SAMMSON: variants seen among roughly 807,000 people sequenced by gnomAD.
SAMMSON encodes the protein survival associated mitochondrial melanoma specific oncogenic non-coding RNA.
intron 3 of SAMMSON, chr3:70,024,814 G>A (rs2067030899): frequency 6.6e-6 from 1 of 152,214 alleles, no homozygotes; most frequent in Admixed American, 6.5e-5. Context: ...TCTACCTTGT[G>A]CAGATCTTGG....
chr3:70,297,846 T>C (rs1314609303), intron 7 of SAMMSON, among the ~76,000 whole-genome samples: 1 of 152,134 alleles, frequency 6.6e-6, no homozygotes, highest in African/African-American at 2.4e-5. Context: ...AGAAGTACAA[T>C]TGAATTTAAT....
chr3:70,072,533 C>T (rs2067233921), intron 4 of SAMMSON: 1 of 150,748 alleles, frequency 6.6e-6, no homozygotes, highest in Admixed American at 6.6e-5. Context: ...AAATCTCCTC[C>T]TGACCACGGA....
intron 3 of SAMMSON, among the ~76,000 whole-genome samples, chr3:70,037,701 C>T (rs2067091516): frequency 6.6e-6 from 1 of 152,160 alleles, no homozygotes; most frequent in African/African-American, 2.4e-5. Flanking sequence ...ACTCATCATT[C>T]TTGCACCTGT....
At chr3:70,235,939 A>G (rs183747916) in intron 4 of SAMMSON, among the ~76,000 whole-genome samples, 353 of 152,254 alleles carry the variant, frequency 2.3e-3, no homozygotes, top group Non-Finnish European at 4.3e-3. Context: ...TCACCACGCC[A>G]TTTTTCCCAC....
intron 4 of SAMMSON, among the ~76,000 whole-genome samples, chr3:70,237,789 G>A (rs1701624716): frequency 6.6e-6 from 1 of 152,072 alleles, no homozygotes; most frequent in African/African-American, 2.4e-5. Context: ...CCGGTGCCAT[G>A]GCAGCCATAT....
chr3:70,174,741 A>G (rs913517401), intron 4 of SAMMSON, among the ~76,000 whole-genome samples: 1 of 135,428 alleles, frequency 7.4e-6, no homozygotes, highest in Non-Finnish European at 1.6e-5. Flanking sequence ...CTATTCAATT[A>G]GGGTCAACAA....
At chr3:70,366,930 G>A (rs1458342903) in intron 9 of SAMMSON, among the ~76,000 whole-genome samples, 2 of 151,490 alleles carry the variant, frequency 1.3e-5, no homozygotes, top group East Asian at 3.9e-4. Context: ...TGACAAATGA[G>A]GTTGAGCATA....
At chr3:70,304,351 C>T (rs1459471074) in intron 7 of SAMMSON, among the ~76,000 whole-genome samples, 2 of 152,204 alleles carry the variant, frequency 1.3e-5, no homozygotes, top group African/African-American at 2.4e-5. Context: ...CAAGACTTCT[C>T]TTGTCCACAT....
chr3:70,219,942 G>A (rs1701447561), intron 4 of SAMMSON, among the ~76,000 whole-genome samples: 1 of 152,108 alleles, frequency 6.6e-6, no homozygotes, highest in Non-Finnish European at 1.5e-5. Flanking sequence ...TATTTCCTGA[G>A]CAGAAACAAT....
intron 4 of SAMMSON, among the ~76,000 whole-genome samples, chr3:70,218,381 C>CT (rs1357135696): frequency 1.3e-5 from 2 of 152,086 alleles, no homozygotes; most frequent in East Asian, 1.9e-4. Flanking sequence ...CTATTTTTCC[C>CT]TTTTTTACTA....
At chr3:70,415,065 A>G (rs1159518568) in intron 2 of SAMMSON, among the ~76,000 whole-genome samples, 1 of 152,180 alleles carries the variant, frequency 6.6e-6, no homozygotes, top group African/African-American at 2.4e-5. Flanking sequence ...TGTCAACTGT[A>G]AAATGAGGGG....
chr3:70,406,220 C>G (rs1701176995), intron 2 of SAMMSON, among the ~76,000 whole-genome samples: 1 of 152,088 alleles, frequency 6.6e-6, no homozygotes, highest in Non-Finnish European at 1.5e-5. Context: ...AAAGTAAGAA[C>G]TACTACTAAC....
intron 9 of SAMMSON, among the ~76,000 whole-genome samples, chr3:70,370,144 C>T (rs1040359454): frequency 6.6e-6 from 1 of 151,894 alleles, no homozygotes; most frequent in East Asian, 1.9e-4. Context: ...GACATGATGT[C>T]ATTCTTTCTT....
Position 70,156,622 on chromosome 3 carries a change from G to A in SAMMSON, n.507+85057G>A, listed in dbSNP as rs142232764. Reference sequence around the variant, plus strand: ...AAATGTATTTTAAAAAAAGAAGGGGGCAATTTAGAAATCGTTTGAAGAATG... The same window carrying A: ...AAATGTATTTTAAAAAAAGAAGGGGACAATTTAGAAATCGTTTGAAGAATG... On this transcript the variant is annotated intron_variant and non_coding_transcript_variant, in intron 4 of 9. Transcript: ENST00000642114. Among the ~76,000 whole-genome samples, 478 of 152,130 alleles carry A rather than the reference G, an allele frequency of 3.1e-3. 1 individual carries two copies. Among genetic ancestry groups the A allele is most frequent in the Non-Finnish European group, 5.2e-3 (353 of 67,968 alleles).
At chr3:70,075,879 C>T (rs902622091) in intron 4 of SAMMSON, among the ~76,000 whole-genome samples, 20 of 76,044 alleles carry the variant, frequency 2.6e-4, no homozygotes, top group African/African-American at 1.1e-3. Flanking sequence ...TTTTTCGATA[C>T]CTGTTTTTTT....
chr3:70,146,282 T>A (rs916889218), intron 4 of SAMMSON, among the ~76,000 whole-genome samples: 2 of 151,966 alleles, frequency 1.3e-5, no homozygotes, highest in African/African-American at 4.8e-5. Flanking sequence ...TTATGCCCAA[T>A]CTTGAGAAGC....
chr3:70,240,581 G>A (rs555857477), intron 4 of SAMMSON, among the ~76,000 whole-genome samples: 1 of 152,248 alleles, frequency 6.6e-6, no homozygotes, highest in South Asian at 2.1e-4. Flanking sequence ...ACACCAGACT[G>A]TCTGAAATAA....
Position 70,277,630 on chromosome 3 carries a change from A to G in SAMMSON, n.675-13549A>G, listed in dbSNP as rs556549652. On this transcript the variant is annotated intron_variant and non_coding_transcript_variant, in intron 6 of 9. Transcript: ENST00000642114. ...TACTTCAAAACTGCTACTTGGTTTT[A>G]TGGTTTATTTCTTCTAATGAAAGTA... 1.0e-3 allele frequency among the ~76,000 whole-genome samples: 154 copies of G among 152,236 alleles called. 1 individual carries two copies. Among genetic ancestry groups the G allele is most frequent in the African/African-American group, 3.5e-3 (144 of 41,532 alleles).
chr3:70,187,038 C>T (rs1170983687), intron 4 of SAMMSON, among the ~76,000 whole-genome samples: 1 of 152,164 alleles, frequency 6.6e-6, no homozygotes, highest in Non-Finnish European at 1.5e-5. Flanking sequence ...CTGTCATGGG[C>T]CTTTCGTCTT....
Sources: gnomAD v4.1 joint callset for allele counts (sites outside exome capture counted in the v4.1 genomes callset) on GRCh38, gnomAD v4.1.1 for gene constraint, MANE v1.5 for transcripts, NCBI Gene and HGNC (gene_info 2026-07-23, HGNC 2026-07-21) for gene names.